ZNF385B: variants seen among roughly 807,000 people sequenced by gnomAD.
ZNF385B encodes the protein zinc finger protein 385B.
ZNF385B carries 23 observed loss-of-function variants against 39.2 expected under a neutral mutation model. The observed-to-expected ratio is 0.59, with a 90% CI of 0.42 to 0.83. ZNF385B has a LOEUF of 0.83. Among genes scored for constraint, ZNF385B ranks in the 40% least tolerant of loss-of-function variants. The pLI, the probability that ZNF385B is intolerant of heterozygous loss-of-function variation, is 0.00. For missense variants in ZNF385B, 552 were observed against 598.9 expected (o/e 0.92, Z 0.82); for synonymous variants, 205 against 222.6 (o/e 0.92, Z 0.70).
rs1215851547 is a variant in ZNF385B, at chr2:179,760,704, A to G, written c.298+8799T>C. On this transcript the variant is annotated intron_variant, in intron 3 of 9. Coordinates refer to ENST00000410066, the MANE Select transcript of ZNF385B (RefSeq NM_152520.6). ...ATCCAGGATTATACAGGTGAGCTCTAAACCCAACGGCAAGCATCCTTATGA... is the reference window on the plus strand; with the variant it reads ...ATCCAGGATTATACAGGTGAGCTCTGAACCCAACGGCAAGCATCCTTATGA... 1.3e-5 allele frequency among the ~76,000 whole-genome samples: 2 copies of G among 152,122 alleles called. 1 individual carries two copies. The highest frequency in any genetic ancestry group is 6.3e-3 in the Middle Eastern group (2 of 316).
chr2:179,718,970 G>GTGTA (rs1336292033), intron 3 of ZNF385B, among the ~76,000 whole-genome samples: 6 of 120,798 alleles, frequency 5.0e-5, no homozygotes, highest in South Asian at 3.0e-4. Context: ...GTGTGTGTGT[G>GTGTA]TATATATATT....
chr2:179,495,444 G>A (rs1261206741), intron 5 of ZNF385B, among the ~76,000 whole-genome samples: 6 of 152,172 alleles, frequency 3.9e-5, no homozygotes, highest in African/African-American at 9.7e-5. Context: ...CGCCCTAAAG[G>A]GAAGAAAACA....
At chr2:179,449,853 AC>A (rs1377246827) in intron 6 of ZNF385B, among the ~76,000 whole-genome samples, 2 of 152,198 alleles carry the variant, frequency 1.3e-5, no homozygotes, top group Admixed American at 1.3e-4. Context: ...TTCAAACTAT[AC>A]CACAAGGCTA....
chr2:179,602,320 T>G (rs1032112857), intron 3 of ZNF385B, among the ~76,000 whole-genome samples: 1 of 152,116 alleles, frequency 6.6e-6, no homozygotes, highest in Non-Finnish European at 1.5e-5. Flanking sequence ...CTCAGCCTCC[T>G]GAGTAGCTAG....
At chr2:179,777,781 T>C (rs1559186072) in intron 1 of ZNF385B, among the ~76,000 whole-genome samples, 1 of 151,636 alleles carries the variant, frequency 6.6e-6, no homozygotes, top group Non-Finnish European at 1.5e-5. Flanking sequence ...TTTTTTTTTT[T>C]TTTCTTTTTG....
chr2:179,799,026 A>C (rs1020825201), intron 1 of ZNF385B, among the ~76,000 whole-genome samples: 1 of 152,160 alleles, frequency 6.6e-6, no homozygotes, highest in African/African-American at 2.4e-5. Context: ...ATTTTAACCT[A>C]ATCAACACAC....
intron 1 of ZNF385B, among the ~76,000 whole-genome samples, chr2:179,836,709 G>A (rs899678967): frequency 2.0e-5 from 3 of 151,320 alleles, no homozygotes; most frequent in South Asian, 2.1e-4. Context: ...TAGTAGAGAC[G>A]GGGTTTCACC....
intron 3 of ZNF385B, among the ~76,000 whole-genome samples, chr2:179,572,878 A>T (rs1328970470): frequency 6.6e-6 from 1 of 152,214 alleles, no homozygotes; most frequent in Non-Finnish European, 1.5e-5. Context: ...CAGACAAACA[A>T]CAGCCATGAA....
chr2:179,814,423 T>C (rs1706930821), intron 1 of ZNF385B: 1 of 438,836 alleles, frequency 2.3e-6, no homozygotes, highest in African/African-American at 2.1e-5. Context: ...TTTGCAGTTA[T>C]TTTTCTTGTG....
rs372981509 is a variant in ZNF385B, at chr2:179,549,011, T to C, written c.299-4042A>G. Among the ~76,000 whole-genome samples, 48 of 149,680 alleles carry C rather than the reference T, an allele frequency of 3.2e-4. 5 individuals are homozygous for C. The South Asian group carries it at 9.8e-3, about 31-fold the overall frequency. ...GGCAACCACTAATCTATTTTCTTTATCTTTAGGTTTCTCTATTCTAGACAT... is the reference window on the plus strand; with the variant it reads ...GGCAACCACTAATCTATTTTCTTTACCTTTAGGTTTCTCTATTCTAGACAT... On this transcript the variant is annotated intron_variant, in intron 3 of 9. Coordinates refer to ENST00000410066, the MANE Select transcript of ZNF385B (RefSeq NM_152520.6).
At chr2:179,636,368 AC>A (rs1691753745) in intron 3 of ZNF385B, among the ~76,000 whole-genome samples, 1 of 152,182 alleles carries the variant, frequency 6.6e-6, no homozygotes, top group Non-Finnish European at 1.5e-5. Context: ...CACAGAAGTG[AC>A]TGCAGAATTT....
At chr2:179,648,560 A>G (rs1482362868) in intron 3 of ZNF385B, among the ~76,000 whole-genome samples, 1 of 152,178 alleles carries the variant, frequency 6.6e-6, no homozygotes, top group African/African-American at 2.4e-5. Flanking sequence ...AACACCCCCG[A>G]AAACACCCAA....
At chr2:179,835,465 T>C (rs1708198096) in intron 1 of ZNF385B, among the ~76,000 whole-genome samples, 1 of 152,152 alleles carries the variant, frequency 6.6e-6, no homozygotes, top group Non-Finnish European at 1.5e-5. Flanking sequence ...GGAATACACA[T>C]AAGCTAAATA....
chr2:179,816,454 T>A (rs1355084168), intron 1 of ZNF385B, among the ~76,000 whole-genome samples: 1 of 152,210 alleles, frequency 6.6e-6, no homozygotes, highest in Non-Finnish European at 1.5e-5. Context: ...TTAGATCATG[T>A]CACTCTTCTG....
intron 4 of ZNF385B, among the ~76,000 whole-genome samples, chr2:179,540,322 T>C (rs1436565057): frequency 6.6e-6 from 1 of 152,060 alleles, no homozygotes; most frequent in Non-Finnish European, 1.5e-5. Flanking sequence ...GGCGCATGAC[T>C]GTAATCCCAG....
In ZNF385B at chr2:179,544,948, G is replaced by T. The variant is rs754225599; in HGVS notation, c.320C>A (p.Thr107Asn). 1 of 1,613,948 alleles carries T rather than the reference G, an allele frequency of 6.2e-7. No homozygotes were observed. Among genetic ancestry groups the T allele is most frequent in the East Asian group, 2.2e-5 (1 of 44,878 alleles). ...SSTGSTCHTT[T>N]LPALVRTPTL... is the part of the protein sequence containing the mutation. ...AGGTGTGCGCACAAGAGCAGGAAGG[G>T]TAGTAGTGTGGCATGTACTGCCTGC... Residue 107 changes from threonine (T) to asparagine (N), a missense_variant, in exon 4 of 10, where the codon ACC becomes AAC. By Grantham distance (65) the Thr-to-Asn change is moderately conservative. Transcript: ENST00000410066.
intron 3 of ZNF385B, among the ~76,000 whole-genome samples, chr2:179,655,724 C>T (rs1346889024): frequency 6.6e-6 from 1 of 152,066 alleles, no homozygotes; most frequent in Non-Finnish European, 1.5e-5. Context: ...AATACTATTT[C>T]CTTTCAATTA....
chr2:179,681,349 G>C (rs1697495581), intron 3 of ZNF385B, among the ~76,000 whole-genome samples: 1 of 152,038 alleles, frequency 6.6e-6, no homozygotes, highest in Non-Finnish European at 1.5e-5. Flanking sequence ...GCTGAATCAT[G>C]GTAGCATAAC....
intron 5 of ZNF385B, among the ~76,000 whole-genome samples, chr2:179,493,781 A>ATGTATACATATATGTATATG (rs1491404646): frequency 1.1e-5 from 1 of 91,804 alleles, no homozygotes. Flanking sequence ...ATATGTATAT[A>ATGTATACATATATGTATATG]CACATATGTA....
Sources: allele counts gnomAD v4.1 joint callset (sites outside exome capture counted in the v4.1 genomes callset), GRCh38; gene constraint gnomAD v4.1.1; transcripts MANE v1.5; gene names NCBI Gene and HGNC (gene_info 2026-07-23, HGNC 2026-07-21).